Variants in ALKBH3 observed in about 807,000 individuals in gnomAD.
ALKBH3 encodes alkB homolog 3, alpha-ketoglutarate dependent dioxygenase, also known as alpha-ketoglutarate-dependent dioxygenase alkB homolog 3.
Under a neutral mutation model 43.9 loss-of-function variants are expected in ALKBH3, and 51 were observed. The observed-to-expected ratio is 1.16, with a 90% confidence interval of 0.93 to 1.47. ALKBH3 has a LOEUF of 1.47. ALKBH3 is among the 40% of genes most tolerant of loss of function. The pLI, the probability that ALKBH3 is intolerant of heterozygous loss-of-function variation, is 0.00. For missense variants in ALKBH3, 361 were observed against 351.9 expected (o/e 1.03, Z -0.21); for synonymous variants, 102 against 115.2 (o/e 0.89, Z 0.73).
At chr11:43,896,269 AC>A (rs1951818109) in intron 7 of ALKBH3, among the ~76,000 whole-genome samples, 2 of 33,450 alleles carry the variant, frequency 6.0e-5, no homozygotes, top group Non-Finnish European at 1.3e-4. Context: ...TAGGATAGAT[AC>A]ACACACACAC....
intron 8 of ALKBH3, among the ~76,000 whole-genome samples, chr11:43,917,411 A>G (rs1444512296): frequency 6.6e-6 from 1 of 151,838 alleles, no homozygotes; most frequent in African/African-American, 2.4e-5. Flanking sequence ...TTTCCTTTCT[A>G]CTTTATTTTA....
At chr11:43,891,908 A>T in intron 6 of ALKBH3, 133 bp from the exon 7 acceptor site, 1 of 664,110 alleles carries the variant, frequency 1.5e-6, no homozygotes, top group Non-Finnish European at 2.6e-6. Flanking sequence ...TGAAGGTGGA[A>T]CTTTGGGTCA....
In ALKBH3 at chr11:43,916,017, T is replaced by C. The variant is rs979223425; in HGVS notation, c.670-3021T>C. Among the ~76,000 whole-genome samples the C allele has an allele frequency of 2.0e-5, 3 of 152,264 alleles. No individual in the cohort carries two copies. The South Asian group carries it at 6.2e-4, about 32-fold the overall frequency. ...ACTTTAGTAAACTTATGTTACTTTT[T>C]ATATTCTAGAAGGAAAACCTGTATG... On this transcript the variant is annotated intron_variant, in intron 8 of 9. Coordinates refer to ENST00000302708, the MANE Select transcript of ALKBH3 (RefSeq NM_139178.4).
At chr11:43,910,131 A>C (rs1951926651) in intron 8 of ALKBH3, 1 of 152,010 alleles carries the variant, frequency 6.6e-6, no homozygotes, top group East Asian at 1.9e-4. Flanking sequence ...TCTCATTGCT[A>C]TTTTTCTGCC....
intron 8 of ALKBH3, among the ~76,000 whole-genome samples, chr11:43,917,999 G>A (rs1297043278): frequency 6.6e-6 from 1 of 152,182 alleles, no homozygotes; most frequent in Non-Finnish European, 1.5e-5. Flanking sequence ...GTTCTCAGAA[G>A]CACCCATACA....
intron 7 of ALKBH3, among the ~76,000 whole-genome samples, chr11:43,892,676 A>G (rs1200099741): frequency 6.6e-6 from 1 of 152,258 alleles, no homozygotes; most frequent in African/African-American, 2.4e-5. Context: ...ATATAAATTA[A>G]GCTCATCCAG....
chr11:43,882,675 C>T lies in ALKBH3; in HGVS notation c.23C>T (p.Ala8Val), dbSNP rs749077175. Reference sequence around the variant, plus strand: ...AACATGGAGGAAAAAAGACGGCGAGCCCGAGTTCAGGGAGCCTGGGCTGCC... The same window carrying T: ...AACATGGAGGAAAAAAGACGGCGAGTCCGAGTTCAGGGAGCCTGGGCTGCC... MEEKRRR[A>V]RVQGAWAAPV... The change falls in exon 2 of 10, where the codon GCC becomes GTC. Residue 8 changes from alanine to valine, a missense_variant. By Grantham distance (64) the Ala-to-Val change is moderately conservative. Transcript: ENST00000302708. 2 of 1,613,308 alleles carry T rather than the reference C, an allele frequency of 1.2e-6. No individual in the cohort carries two copies. The highest frequency in any genetic ancestry group is 2.2e-5 in the East Asian group (1 of 44,846).
In ALKBH3 at chr11:43,901,438, C is replaced by G. The variant is rs139071413; in HGVS notation, c.460-78C>G. ...TATAACTTGGCTGATTTTGCCCTTT[C>G]TTTTCTGTTTTTCCATGCGGCTGTC... On this transcript the variant is annotated intron_variant, in intron 7 of 9. Coordinates refer to ENST00000302708, the MANE Select transcript of ALKBH3 (RefSeq NM_139178.4). 34 of 1,561,032 alleles carry G rather than the reference C, an allele frequency of 2.2e-5. No homozygotes were observed. The African/African-American group carries it at 4.5e-4, about 21-fold the overall frequency.
intron 8 of ALKBH3, chr11:43,916,856 G>A (rs1951987324): frequency 1.3e-5 from 2 of 152,218 alleles, no homozygotes; most frequent in African/African-American, 4.8e-5. Context: ...CTCGAGGGAA[G>A]GATGCATTTG....
At chr11:43,907,593 A>C (rs1250740043) in intron 8 of ALKBH3, among the ~76,000 whole-genome samples, 1 of 152,160 alleles carries the variant, frequency 6.6e-6, no homozygotes, top group Non-Finnish European at 1.5e-5. Context: ...ACTATTCCTA[A>C]GCCATCTGGT....
chr11:43,908,071 T>C lies in ALKBH3; in HGVS notation c.669+6346T>C, dbSNP rs185890029. ...TTTATTCTCTGCTTCAGAATAATGA[T>C]TTGAAAGTGTTATTGAGGAGTAAGG... On this transcript the variant is annotated intron_variant, in intron 8 of 9. Transcript: ENST00000302708. Among the ~76,000 whole-genome samples the C allele has an allele frequency of 4.7e-4, 71 of 152,312 alleles. 1 individual carries two copies. Among genetic ancestry groups the C allele is most frequent in the Non-Finnish European group, 7.2e-4 (49 of 68,022 alleles).
chr11:43,914,584 G>C (rs1196083628), intron 8 of ALKBH3, among the ~76,000 whole-genome samples: 1 of 151,762 alleles, frequency 6.6e-6, no homozygotes, highest in Non-Finnish European at 1.5e-5. Context: ...AAACTAAAAG[G>C]AAATACAGTT....
chr11:43,893,960 C>T (rs994978353), intron 7 of ALKBH3, among the ~76,000 whole-genome samples: 1 of 152,178 alleles, frequency 6.6e-6, no homozygotes, highest in Non-Finnish European at 1.5e-5. Context: ...AAGTGCTCCT[C>T]CTGCCTCAGC....
intron 8 of ALKBH3, among the ~76,000 whole-genome samples, chr11:43,917,480 T>G (rs1347295484): frequency 6.6e-6 from 1 of 152,226 alleles, no homozygotes; most frequent in Non-Finnish European, 1.5e-5. Flanking sequence ...TCTCTGATTA[T>G]GTAGAGGGTA....
chr11:43,911,996 G>A (rs1024907609), intron 8 of ALKBH3, among the ~76,000 whole-genome samples: 23 of 152,144 alleles, frequency 1.5e-4, no homozygotes, highest in African/African-American at 4.3e-4. Flanking sequence ...GGTGGTGCGC[G>A]CCTGTAATGC....
At chr11:43,893,161 C>G (rs892592406) in intron 7 of ALKBH3, among the ~76,000 whole-genome samples, 1 of 152,196 alleles carries the variant, frequency 6.6e-6, no homozygotes, top group Non-Finnish European at 1.5e-5. Context: ...CTCATTCATT[C>G]TAGTTAATCT....
At chr11:43,899,347 C>A in intron 7 of ALKBH3, 1 of 696,306 alleles carries the variant, frequency 1.4e-6, no homozygotes. Context: ...TGCCCGTGTG[C>A]ACCATCAGCA....
chr11:43,896,429 T>C (rs1367928638), intron 7 of ALKBH3, among the ~76,000 whole-genome samples: 1 of 152,152 alleles, frequency 6.6e-6, no homozygotes, highest in Non-Finnish European at 1.5e-5. Context: ...TGGAGTCCGA[T>C]GTTTGAGGGC....
intron 7 of ALKBH3, among the ~76,000 whole-genome samples, chr11:43,893,956 T>G (rs1292415615): frequency 5.9e-5 from 9 of 152,184 alleles, no homozygotes; most frequent in African/African-American, 1.9e-4. Context: ...GCTCAAGTGC[T>G]CCTCCTGCCT....
Sources: gnomAD v4.1 joint callset for allele counts (sites outside exome capture counted in the v4.1 genomes callset) on GRCh38, gnomAD v4.1.1 for gene constraint, MANE v1.5 for transcripts, NCBI Gene and HGNC (gene_info 2026-07-23, HGNC 2026-07-21) for gene names.